Variants in DGKH observed in about 807,000 individuals in gnomAD.
DGKH encodes the protein DAG kinase eta.
Under a neutral mutation model 159.3 loss-of-function variants are expected in DGKH, and 90 were observed. The ratio of observed to expected loss-of-function variants is 0.57; its 90% CI spans 0.48 to 0.67. The LOEUF (loss-of-function observed/expected upper bound fraction) is 0.67. Among genes scored for constraint, DGKH ranks in the 30% least tolerant of loss-of-function variants. DGKH has a pLI of 0.00. For missense variants in DGKH, 1,181 were observed against 1,506.1 expected, an observed-to-expected ratio of 0.78 and a Z score of 3.57; for synonymous variants, 536 against 553.8, an observed-to-expected ratio of 0.97 and a Z score of 0.45.
intron 16 of DGKH, among the ~76,000 whole-genome samples, chr13:42,191,207 T>C (rs1957054935): frequency 6.6e-6 from 1 of 152,142 alleles, no homozygotes; most frequent in Non-Finnish European, 1.5e-5. Context: ...CGTACTGGAA[T>C]AAAACAAAGC....
intron 29 of DGKH, among the ~76,000 whole-genome samples, chr13:42,222,824 G>A (rs9594711): frequency 0.13 from 20,132 of 152,132 alleles, 1,697 homozygotes; most frequent in Admixed American, 0.23. Flanking sequence ...ATATGTGTAC[G>A]TGTTATATAT....
In DGKH at chr13:42,233,034, G is replaced by A. The variant is rs1958337944; in HGVS notation, c.*3846G>A. The stretch of plus-strand genomic sequence containing the variant: ...TAGTCCCAGCTATTCTGAAGGCTGA[G>A]GTGGGAGGATTGCTTGAGACCAGGA... On this transcript the variant is annotated 3_prime_UTR_variant, in exon 30 of 30. Transcript: ENST00000337343. The A allele has an allele frequency of 6.6e-6, 1 of 152,360 alleles. No homozygotes were observed. The highest frequency in any genetic ancestry group is 2.4e-5 in the African/African-American group (1 of 41,444). 9.4% of individuals were successfully genotyped at this position (152,360 alleles called of 1,614,324 possible). A position where few individuals can be genotyped will look rare whatever the true frequency, so the allele number is the denominator to read the frequency against.
At chr13:42,171,771 A>G (rs1449802655) in intron 11 of DGKH, among the ~76,000 whole-genome samples, 1 of 151,932 alleles carries the variant, frequency 6.6e-6, no homozygotes, top group African/African-American at 2.4e-5. Flanking sequence ...GAGATGCTCA[A>G]TATAGTATAT....
At chr13:42,099,377 A>G (rs1158126996) in intron 1 of DGKH, among the ~76,000 whole-genome samples, 2 of 152,156 alleles carry the variant, frequency 1.3e-5, no homozygotes, top group African/African-American at 2.4e-5. Flanking sequence ...AGGAGCCTGC[A>G]TCCCTTCATG....
chr13:42,146,553 A>G (rs1362746807), intron 3 of DGKH, among the ~76,000 whole-genome samples: 2 of 152,262 alleles, frequency 1.3e-5, no homozygotes, highest in African/African-American at 4.8e-5. Flanking sequence ...TGTGAAATAT[A>G]TCATGCAATG....
At chr13:42,123,728 G>A (rs1016464041) in intron 1 of DGKH, among the ~76,000 whole-genome samples, 1 of 152,170 alleles carries the variant, frequency 6.6e-6, no homozygotes, top group African/African-American at 2.4e-5. Flanking sequence ...AAAATAAGCA[G>A]AGGAAAATGC....
At position 42,238,471 on chromosome 13, in the gene DGKH, A is replaced by G. The variant is rs1566231228; in HGVS notation, c.*9283A>G. The G allele has an allele frequency of 6.6e-6, 1 of 152,142 alleles. No individual in the cohort carries two copies. Among genetic ancestry groups the G allele is most frequent in the African/African-American group, 2.4e-5 (1 of 41,444 alleles). 9.4% of individuals were successfully genotyped at this position (152,142 alleles called of 1,614,324 possible). A position where few individuals can be genotyped will look rare whatever the true frequency, so the allele number is the denominator to read the frequency against. ...CTTAAGCCAAATGACAATTTTATAG[A>G]TGTGAATATATGTTTTTTAAAGTTA... On this transcript the variant is annotated 3_prime_UTR_variant, in exon 30 of 30. Transcript: ENST00000337343.
intron 26 of DGKH, chr13:42,216,458 C>T (rs965656905): frequency 2.0e-5 from 3 of 151,624 alleles, no homozygotes; most frequent in Admixed American, 1.3e-4. Context: ...GTAATTTTCT[C>T]ACTTGGTTGG....
chr13:42,152,512 TTA>T (rs527802198), intron 3 of DGKH, among the ~76,000 whole-genome samples: 3 of 147,986 alleles, frequency 2.0e-5, no homozygotes, highest in Non-Finnish European at 1.5e-5. Context: ...CATATATATA[TTA>T]TATATATATA....
At chr13:42,079,724 C>T (rs964838722) in intron 1 of DGKH, among the ~76,000 whole-genome samples, 1 of 152,164 alleles carries the variant, frequency 6.6e-6, no homozygotes, top group Non-Finnish European at 1.5e-5. Context: ...TGTTTTGTAA[C>T]CATAATGCTA....
At chr13:42,148,943 TC>T (rs1955808078) in intron 3 of DGKH, among the ~76,000 whole-genome samples, 5 of 113,456 alleles carry the variant, frequency 4.4e-5, no homozygotes, top group Non-Finnish European at 1.7e-5. Context: ...GCCCGCCCCT[TC>T]TTTTTTTTTT....
chr13:42,209,583 A>T, intron 23 of DGKH, 118 bp downstream of exon 23: 1 of 1,191,476 alleles, frequency 8.4e-7, no homozygotes, highest in Non-Finnish European at 1.1e-6. Flanking sequence ...CATTTAGGTC[A>T]TGGTGGTTTG....
chr13:42,144,421 T>C (rs886963821), intron 3 of DGKH, among the ~76,000 whole-genome samples: 1 of 152,194 alleles, frequency 6.6e-6, no homozygotes, highest in Non-Finnish European at 1.5e-5. Flanking sequence ...ACCCGGTGGC[T>C]CACGCCTGTA....
At position 42,232,506 on chromosome 13, in the gene DGKH, C is replaced by G. The variant is rs1439920450; in HGVS notation, c.*3318C>G. The G allele has an allele frequency of 6.6e-6, 1 of 152,138 alleles. No individual in the cohort carries two copies. Among genetic ancestry groups the G allele is most frequent in the Non-Finnish European group, 1.5e-5 (1 of 68,038 alleles). The allele number at this position is 152,138 out of a possible 1,614,324, so 9.4% of individuals were successfully genotyped here. On this transcript the variant is annotated 3_prime_UTR_variant, in exon 30 of 30. Coordinates refer to ENST00000337343, the MANE Select transcript of DGKH (RefSeq NM_178009.5). ...TCCTGGCTCTTCATTTTCCCAATGC[C>G]CAATATAATCATGGTTGCTGAAATT...
At chr13:42,144,750 C>T (rs1190638867) in intron 3 of DGKH, among the ~76,000 whole-genome samples, 2 of 151,696 alleles carry the variant, frequency 1.3e-5, no homozygotes, top group Non-Finnish European at 2.9e-5. Context: ...TTATTGACAA[C>T]TCCAGAATTG....
At chr13:42,187,868 C>T (rs1956970089) in intron 14 of DGKH, among the ~76,000 whole-genome samples, 1 of 152,176 alleles carries the variant, frequency 6.6e-6, no homozygotes, top group African/African-American at 2.4e-5. Context: ...TCTTGCATTG[C>T]TTTTTTCTTT....
At chr13:42,056,873 T>G (rs1881801845) in intron 1 of DGKH, among the ~76,000 whole-genome samples, 1 of 152,170 alleles carries the variant, frequency 6.6e-6, no homozygotes, top group African/African-American at 2.4e-5. Flanking sequence ...ATTTCCCCCT[T>G]CTTCCTGCTC....
chr13:42,165,293 T>C, intron 7 of DGKH, 38 bp from the exon 8 acceptor site: 1 of 1,152,226 alleles, frequency 8.7e-7, no homozygotes. Context: ...CAGAACATTA[T>C]TTTTATGATT....
intron 1 of DGKH, among the ~76,000 whole-genome samples, chr13:42,110,587 A>ATTCATTCAT (rs1954844377): frequency 1.3e-5 from 2 of 150,880 alleles, no homozygotes; most frequent in African/African-American, 2.4e-5. Flanking sequence ...TTGAAGGATA[A>ATTCATTCAT]TCATTCATTC....
Sources: allele counts gnomAD v4.1 joint callset (sites outside exome capture counted in the v4.1 genomes callset), GRCh38; gene constraint gnomAD v4.1.1; transcripts MANE v1.5; gene names NCBI Gene and HGNC (gene_info 2026-07-23, HGNC 2026-07-21).